The following MAP4 variants were observed in gnomAD, a reference collection of about 807,000 sequenced individuals.
MAP4 encodes microtubule associated protein 4, also known as microtubule-associated protein 4.
In MAP4, 76 loss-of-function variants were observed where a neutral mutation model predicts 170.2. That is an observed-to-expected ratio of 0.45 (90% confidence interval 0.37 to 0.54). MAP4 has a LOEUF of 0.54. MAP4 is among the 20% of genes least tolerant of loss of function. The pLI is 0.00. For missense variants in MAP4, 2,506 were observed against 2,748.0 expected, an observed-to-expected ratio of 0.91 and a Z score of 1.97; for synonymous variants, 909 against 994.5, an observed-to-expected ratio of 0.91 and a Z score of 1.62.
chr3:47,987,522 G>T, intron 2 of MAP4: 1 of 856,064 alleles, frequency 1.2e-6, no homozygotes, highest in Non-Finnish European at 1.7e-6. Flanking sequence ...AACAACTCTA[G>T]CAAAAGCTTT....
At chr3:47,908,986 A>C in intron 9 of MAP4, 52 bp downstream of exon 9, 3 of 1,556,724 alleles carry the variant, frequency 1.9e-6, no homozygotes, top group Non-Finnish European at 2.6e-6. Context: ...TGCCTTTCTG[A>C]TGCTGACTCA....
At chr3:48,057,646 G>GAAAAAAAAAA (rs569379277) in intron 1 of MAP4, among the ~76,000 whole-genome samples, 1 of 131,962 alleles carries the variant, frequency 7.6e-6, no homozygotes, top group Non-Finnish European at 1.6e-5. Flanking sequence ...AGAAAAAAAA[G>GAAAAAAAAAA]AAAAAAAAAA....
At chr3:48,027,923 C>T (rs1646596427) in intron 1 of MAP4, among the ~76,000 whole-genome samples, 1 of 152,234 alleles carries the variant, frequency 6.6e-6, no homozygotes, top group African/African-American at 2.4e-5. Flanking sequence ...ATAACTGCCT[C>T]TGTAGATACC....
rs1468710536 is a variant in MAP4 at position 47,851,588 on chromosome 3, CA to C, written c.*1345del. 1.3e-5 allele frequency: 2 copies of C among 152,186 alleles called. No individual in the cohort carries two copies. Among genetic ancestry groups the C allele is most frequent in the Non-Finnish European group, 2.9e-5 (2 of 68,030 alleles). 9.4% of individuals were successfully genotyped at this position (152,186 alleles called of 1,614,324 possible). Reference sequence around the variant, plus strand: ...TTTGAATCCTTTATTAGAAACCATGCAAACTTTAATACAAAAAATACAAGTG... The same window carrying C: ...TTTGAATCCTTTATTAGAAACCATGCAACTTTAATACAAAAAATACAAGTG... On this transcript the variant is annotated 3_prime_UTR_variant, in exon 21 of 21. Transcript: ENST00000683076.
chr3:47,886,325 T>C (rs1363713093), intron 10 of MAP4, among the ~76,000 whole-genome samples: 1 of 152,124 alleles, frequency 6.6e-6, no homozygotes, highest in Non-Finnish European at 1.5e-5. Flanking sequence ...TTTTGAGACC[T>C]GATCTTGATC....
rs760418691 is a variant in MAP4, at chr3:47,921,766, G to A, written c.528C>T (p.Tyr176=). The A allele has an allele frequency of 2.2e-5, 35 of 1,587,204 alleles. No homozygotes were observed. Among genetic ancestry groups the A allele is most frequent in the East Asian group, 8.9e-5 (4 of 44,776 alleles). Residue 176 remains tyrosine, a splice_region_variant and synonymous_variant, in exon 5 of 21, where the codon TAC becomes TAT. Transcript: ENST00000683076. ...AGQNDPLKDS[Y]GMSPCNTAVV... is the part of the protein sequence containing the mutation. ...TAAATCCATTTGAAGAAGCCATACC[G>A]TAACTGTCTTTCAAGGGATCATTTT...
chr3:48,036,670 C>G (rs1412823956), intron 1 of MAP4, among the ~76,000 whole-genome samples: 2 of 152,112 alleles, frequency 1.3e-5, no homozygotes, highest in African/African-American at 4.8e-5. Context: ...ACTTAAGAAA[C>G]ACAAAATAGA....
At chr3:48,061,270 C>G (rs902663674) in intron 1 of MAP4, among the ~76,000 whole-genome samples, 47 of 150,782 alleles carry the variant, frequency 3.1e-4, no homozygotes, top group African/African-American at 1.1e-3. Flanking sequence ...CTGCTGCCAT[C>G]TCTGCTCACT....
intron 17 of MAP4, among the ~76,000 whole-genome samples, chr3:47,859,625 T>C (rs1197033501): frequency 6.6e-6 from 1 of 152,224 alleles, no homozygotes; most frequent in Non-Finnish European, 1.5e-5. Flanking sequence ...AATCCGTCTC[T>C]TTCTCATATC....
At chr3:48,051,946 TTTC>T (rs760658125) in intron 1 of MAP4, among the ~76,000 whole-genome samples, 1 of 152,310 alleles carries the variant, frequency 6.6e-6, no homozygotes, top group South Asian at 2.1e-4. Flanking sequence ...TCTTCCAGAG[TTTC>T]TTAACACCTT....
At chr3:48,059,269 CTT>C (rs1184984072) in intron 1 of MAP4, among the ~76,000 whole-genome samples, 4 of 151,756 alleles carry the variant, frequency 2.6e-5, no homozygotes, top group Non-Finnish European at 5.9e-5. Flanking sequence ...AATCCCAACA[CTT>C]TGGGAGGCCA....
chr3:48,028,987 A>G (rs1559819090), intron 1 of MAP4, among the ~76,000 whole-genome samples: 1 of 151,742 alleles, frequency 6.6e-6, no homozygotes. Flanking sequence ...GATAAAAAAT[A>G]CAAAAAAGGT....
At chr3:47,862,467 T>C (rs1173718675) in intron 17 of MAP4, among the ~76,000 whole-genome samples, 1 of 151,288 alleles carries the variant, frequency 6.6e-6, no homozygotes, top group Admixed American at 6.6e-5. Context: ...TTTAAATATA[T>C]GGATCAATTT....
rs2100024581 is a variant in MAP4, at chr3:47,892,547, C to CTCT, written c.5434+10402_5434+10403insAGA. ...GCTCCTGGAGCTCTAATACCACCTA[C>CTCT]GATCACACAGAGCTTGCAGTGACAT... On this transcript the variant is annotated intron_variant, in intron 10 of 20. Transcript: ENST00000683076. The CTCT allele has an allele frequency of 2.1e-6, 3 of 1,460,722 alleles. No homozygotes were observed. The African/African-American group carries it at 4.2e-5, about 21-fold the overall frequency. The allele number at this position is 1,460,722 out of a possible 1,614,324, so 90.5% of individuals were successfully genotyped here. A position where few individuals can be genotyped will look rare whatever the true frequency, so the allele number is the denominator to read the frequency against.
intron 1 of MAP4, among the ~76,000 whole-genome samples, chr3:48,044,339 TAG>T (rs1211991953): frequency 1.3e-5 from 2 of 150,668 alleles, no homozygotes; most frequent in Non-Finnish European, 3.0e-5. Context: ...GTATTTTTAG[TAG>T]AGACGGGGTT....
chr3:48,056,781 G>A (rs1292564587), intron 1 of MAP4, among the ~76,000 whole-genome samples: 8 of 75,226 alleles, frequency 1.1e-4, no homozygotes, highest in Non-Finnish European at 2.1e-4. Context: ...CGCCCCGTCC[G>A]GGAGGGAGGT....
At chr3:47,989,442 A>C (rs889386958) in intron 2 of MAP4, among the ~76,000 whole-genome samples, 4 of 152,178 alleles carry the variant, frequency 2.6e-5, no homozygotes, top group Admixed American at 6.5e-5. Context: ...AGTAATTGTT[A>C]TTCTCACTGT....
At position 47,926,517 on chromosome 3, in the gene MAP4, A is replaced by G. The variant is rs149116825; in HGVS notation, c.415+1711T>C. Among the ~76,000 whole-genome samples, 345 of 151,722 alleles carry G rather than the reference A, an allele frequency of 2.3e-3. 1 individual carries two copies. Among genetic ancestry groups the G allele is most frequent in the African/African-American group, 7.9e-3 (328 of 41,352 alleles). ...TCCATTTATCTACTCTATCTACTCT[A>G]CCTATCTGTCTGTCTGTCTGTCTAC... On this transcript the variant is annotated intron_variant, in intron 4 of 20. Coordinates refer to ENST00000683076, the MANE Select transcript of MAP4 (RefSeq NM_001385682.1).
At chr3:48,049,604 G>A (rs2154547621) in intron 1 of MAP4, among the ~76,000 whole-genome samples, 1 of 152,088 alleles carries the variant, frequency 6.6e-6, no homozygotes, top group East Asian at 1.9e-4. Flanking sequence ...GGGTAACAGA[G>A]TGAGACCAGG....
Sources: allele counts gnomAD v4.1 joint callset (sites outside exome capture counted in the v4.1 genomes callset), GRCh38; gene constraint gnomAD v4.1.1; transcripts MANE v1.5; gene names NCBI Gene and HGNC (gene_info 2026-07-23, HGNC 2026-07-21).